Variants in TGDS observed in about 807,000 individuals in gnomAD.
TGDS encodes the protein TDP-glucose 4,6-dehydratase.
A neutral mutation model predicts 52.3 loss-of-function variants in TGDS; 47 were observed. The observed-to-expected ratio is 0.90, with a 90% CI of 0.71 to 1.15. TGDS has a LOEUF of 1.15. Ranked by LOEUF, TGDS falls within the 50% of genes most tolerant of loss-of-function variation. The probability of loss-of-function intolerance (pLI) is 0.00; values close to 1 mark genes in which losing one functional copy is unlikely to be tolerated. For missense variants in TGDS, 375 were observed against 418.4 expected, an observed-to-expected ratio of 0.90 and a Z score of 0.90; for synonymous variants, 115 against 136.9, an observed-to-expected ratio of 0.84 and a Z score of 1.12.
rs1379194815 is a variant in TGDS, at chr13:94,592,228, A to C, written c.222+13T>G. On this transcript the variant is annotated intron_variant, in intron 3 of 11. Coordinates refer to ENST00000261296, the MANE Select transcript of TGDS (RefSeq NM_014305.4). ...TAAAGAGGCACGGTACAGTTACAAG[A>C]AAATGTTCATACCTGTATAAATTTG... The C allele has an allele frequency of 6.3e-7, 1 of 1,589,626 alleles. No individual in the cohort carries two copies. The highest frequency in any genetic ancestry group is 8.6e-7 in the Non-Finnish European group (1 of 1,167,066).
chr13:94,575,444 C>T (rs1169075690), intron 11 of TGDS, among the ~76,000 whole-genome samples: 1 of 151,846 alleles, frequency 6.6e-6, no homozygotes, highest in Non-Finnish European at 1.5e-5. Flanking sequence ...CATGTGCCAC[C>T]ATGCCCCGCT....
At chr13:94,581,695 G>A (rs764232595) in intron 5 of TGDS, among the ~76,000 whole-genome samples, 1 of 152,302 alleles carries the variant, frequency 6.6e-6, no homozygotes, top group African/African-American at 2.4e-5. Flanking sequence ...TGAAAATTGA[G>A]AAGTGGTCAA....
Position 94,574,617 on chromosome 13 carries a change from C to G in TGDS, c.*165G>C, listed in dbSNP as rs1467638284. On this transcript the variant is annotated 3_prime_UTR_variant, in exon 12 of 12. Coordinates refer to ENST00000261296, the MANE Select transcript of TGDS (RefSeq NM_014305.4). Reference sequence around the variant, plus strand: ...TTTAAATTCTATGCCAGTACTGAAACTCTCCCAAAGATTGAGGCATTCTGC... The same window carrying G: ...TTTAAATTCTATGCCAGTACTGAAAGTCTCCCAAAGATTGAGGCATTCTGC... 1.1e-5 allele frequency: 6 copies of G among 542,948 alleles called. No homozygotes were observed. The highest frequency in any genetic ancestry group is 1.6e-5 in the Non-Finnish European group (5 of 307,530). The allele number at this position is 542,948 out of a possible 1,614,324, so 33.6% of individuals were successfully genotyped here. A position where few individuals can be genotyped will look rare whatever the true frequency, so the allele number is the denominator to read the frequency against.
At chr13:94,575,661 A>G (rs1305937906) in intron 11 of TGDS, among the ~76,000 whole-genome samples, 1 of 152,028 alleles carries the variant, frequency 6.6e-6, no homozygotes, top group African/African-American at 2.4e-5. Context: ...AGTTTAAAGA[A>G]ATCTGATAGT....
chr13:94,593,103 G>A (rs1193766307), intron 2 of TGDS, among the ~76,000 whole-genome samples: 2 of 152,020 alleles, frequency 1.3e-5, no homozygotes, highest in Non-Finnish European at 2.9e-5. Flanking sequence ...GCAGTGAGCT[G>A]AGATTGTGCC....
intron 4 of TGDS, 124 bp downstream of exon 4, chr13:94,590,727 AAC>A (rs1239353525): frequency 1.0e-5 from 7 of 685,694 alleles, no homozygotes; most frequent in Non-Finnish European, 1.7e-5. Flanking sequence ...GTTTATGGAT[AAC>A]ACAGTCACCG....
chr13:94,593,174 T>A (rs77980634), intron 2 of TGDS, among the ~76,000 whole-genome samples: 2 of 152,218 alleles, frequency 1.3e-5, no homozygotes, highest in East Asian at 3.9e-4. Flanking sequence ...AAAATGTTCA[T>A]GCCAAAATTT....
At chr13:94,594,751 T>C (rs982945335) in intron 1 of TGDS, among the ~76,000 whole-genome samples, 3 of 152,090 alleles carry the variant, frequency 2.0e-5, no homozygotes, top group Non-Finnish European at 4.4e-5. Context: ...AGCCTGATGC[T>C]CTCCCCCAAA....
rs144194640 is a variant in TGDS, at chr13:94,592,514, G to A, written c.154-205C>T. Among the ~76,000 whole-genome samples the A allele has an allele frequency of 9.7e-3, 1,471 of 152,152 alleles. 25 individuals carry two copies. The highest frequency in any genetic ancestry group is 0.033 in the African/African-American group (1,386 of 41,504). On this transcript the variant is annotated intron_variant, in intron 2 of 11. Transcript: ENST00000261296. ...GTTGCCCAGGCTGTAGTGCAGTGGC[G>A]CAATCTCTGCTCAGCACAAGCTCCG...
At chr13:94,584,771 A>C (rs865830291) in intron 4 of TGDS, among the ~76,000 whole-genome samples, 2 of 152,236 alleles carry the variant, frequency 1.3e-5, no homozygotes, top group African/African-American at 4.8e-5. Flanking sequence ...AAGACTGCTA[A>C]GGTCATGTCA....
At chr13:94,576,106 A>G (rs1229155614) in intron 11 of TGDS, among the ~76,000 whole-genome samples, 1 of 152,224 alleles carries the variant, frequency 6.6e-6, no homozygotes, top group Non-Finnish European at 1.5e-5. Context: ...CTAACAAGAT[A>G]TGGGAAGATT....
At chr13:94,591,922 A>T (rs773189998) in intron 3 of TGDS, among the ~76,000 whole-genome samples, 1 of 152,240 alleles carries the variant, frequency 6.6e-6, no homozygotes, top group South Asian at 2.1e-4. Context: ...GACTTGTCTA[A>T]AAGTGAGACT....
At chr13:94,591,844 A>T (rs144323255) in intron 3 of TGDS, among the ~76,000 whole-genome samples, 223 of 152,348 alleles carry the variant, frequency 1.5e-3, no homozygotes, top group African/African-American at 5.1e-3. Context: ...ACATAAGTTA[A>T]ATAGTTTCAT....
intron 10 of TGDS, 73 bp from the exon 11 acceptor site, chr13:94,576,484 GT>G: frequency 9.8e-7 from 1 of 1,021,470 alleles, no homozygotes; most frequent in Non-Finnish European, 1.3e-6. Context: ...GGAGATATGT[GT>G]TTATGCATTT....
At chr13:94,577,870 T>C in intron 9 of TGDS, 135 bp downstream of exon 9, 2 of 886,172 alleles carry the variant, frequency 2.3e-6, no homozygotes, top group South Asian at 2.1e-5. Context: ...AAGACACATA[T>C]GGTACACAAA....
chr13:94,594,929 T>C (rs562798194), intron 1 of TGDS, among the ~76,000 whole-genome samples: 1 of 152,286 alleles, frequency 6.6e-6, no homozygotes, highest in African/African-American at 2.4e-5. Context: ...AAGACTTATA[T>C]AGAATGGGCC....
In TGDS at chr13:94,578,101, G is replaced by T; in HGVS notation, c.729C>A (p.Leu243=). ...LYATDVVEAF[L]TVLKKGKPGE... ...CTGGTTTCCCTTTTTTGAGGACAGT[G>T]AGAAATGCTTCTACAACATCAGTAG... Residue 243 remains leucine, a synonymous_variant, in exon 9 of 12, where the codon CTC becomes CTA. Coordinates refer to ENST00000261296, the MANE Select transcript of TGDS (RefSeq NM_014305.4). 1 of 1,613,808 alleles carries T rather than the reference G, an allele frequency of 6.2e-7. No homozygotes were observed. Among genetic ancestry groups the T allele is most frequent in the South Asian group, 1.1e-5 (1 of 91,060 alleles).
chr13:94,579,958 A>G lies in TGDS; in HGVS notation c.556-5T>C, dbSNP rs778312872. ...TCTTGTGATGACAACTGGAAACTTA[A>G]AAGAATATCCAACATTAAGGCTTTT... On this transcript the variant is annotated splice_region_variant and splice_polypyrimidine_tract_variant and intron_variant, in intron 6 of 11. Transcript: ENST00000261296. 5.7e-6 allele frequency: 9 copies of G among 1,583,616 alleles called. No individual in the cohort carries two copies. Among genetic ancestry groups the G allele is most frequent in the Admixed American group, 1.7e-5 (1 of 59,032 alleles).
intron 4 of TGDS, among the ~76,000 whole-genome samples, chr13:94,590,201 A>G (rs1889149280): frequency 6.8e-6 from 1 of 147,962 alleles, no homozygotes; most frequent in Non-Finnish European, 1.5e-5. Context: ...TTTAACATAT[A>G]TTAAGTATAT....
Sources: gnomAD v4.1 joint callset for allele counts (sites outside exome capture counted in the v4.1 genomes callset) on GRCh38, gnomAD v4.1.1 for gene constraint, MANE v1.5 for transcripts, NCBI Gene and HGNC (gene_info 2026-07-23, HGNC 2026-07-21) for gene names.